The following LIN52 variants were observed in gnomAD, a reference collection of about 807,000 sequenced individuals.
The protein encoded by LIN52 is protein lin-52 homolog.
LIN52 carries 4 observed loss-of-function variants against 18.5 expected under a neutral mutation model. That is an observed-to-expected ratio of 0.22 (90% CI 0.11 to 0.49). The LOEUF is 0.49. Among genes scored for constraint, LIN52 ranks in the 20% least tolerant of loss-of-function variants. The probability of loss-of-function intolerance (pLI) is 0.97; values close to 1 mark genes in which losing one functional copy is unlikely to be tolerated. For synonymous variants in LIN52, 34 were observed against 45.5 expected, an observed-to-expected ratio of 0.75 and a Z score of 1.02; for missense variants, 102 against 139.5, an observed-to-expected ratio of 0.73 and a Z score of 1.35.
At chr14:74,172,292 T>C (rs573066827) in intron 5 of LIN52, among the ~76,000 whole-genome samples, 39 of 152,266 alleles carry the variant, frequency 2.6e-4, no homozygotes, top group African/African-American at 9.1e-4. Flanking sequence ...ACACAGGACC[T>C]GGAGATAAGG....
intron 5 of LIN52, among the ~76,000 whole-genome samples, chr14:74,142,398 T>G (rs2061135267): frequency 6.6e-6 from 1 of 152,186 alleles, no homozygotes; most frequent in Non-Finnish European, 1.5e-5. Flanking sequence ...TGGAGGCTAT[T>G]ATTAATAACA....
intron 5 of LIN52, among the ~76,000 whole-genome samples, chr14:74,138,642 A>G (rs770879685): frequency 5.3e-5 from 8 of 151,992 alleles, no homozygotes; most frequent in Non-Finnish European, 1.2e-4. Flanking sequence ...AGTCTCTGCT[A>G]CTTGGGAGGC....
intron 4 of LIN52, among the ~76,000 whole-genome samples, chr14:74,099,697 T>C (rs2060840557): frequency 6.6e-6 from 1 of 151,578 alleles, no homozygotes. Flanking sequence ...ATTTGGTGGG[T>C]TGGGGGGACA....
Position 74,175,034 on chromosome 14 carries a change from A to ATAATAATAATAATAATAG in LIN52, c.284-23878_284-23877insAATAATAGTAATAATAAT, listed in dbSNP as rs1422992766. On this transcript the variant is annotated intron_variant, in intron 5 of 5. Coordinates refer to ENST00000555028, the MANE Select transcript of LIN52 (RefSeq NM_001024674.3). ...TGACTCAAAGAAAATAATAATAATA[A>ATAATAATAATAATAATAG]TAATAATAATGTACACCTGTATAGG... is the stretch of plus-strand genomic sequence containing the variant. 6.7e-5 allele frequency among the ~76,000 whole-genome samples: 10 copies of ATAATAATAATAATAATAG among 149,270 alleles called. No homozygotes were observed. The East Asian group carries it at 1.9e-3, about 29-fold the overall frequency.
Position 74,199,086 on chromosome 14 carries a change from C to T in LIN52, c.*109C>T. The T allele has an allele frequency of 2.6e-6, 2 of 756,024 alleles. No individual in the cohort carries two copies. Among genetic ancestry groups the T allele is most frequent in the Non-Finnish European group, 4.6e-6 (2 of 435,936 alleles). The allele number at this position is 756,024 out of a possible 1,614,324, so 46.8% of individuals were successfully genotyped here. A position where few individuals can be genotyped will look rare whatever the true frequency, so the allele number is the denominator to read the frequency against. On this transcript the variant is annotated 3_prime_UTR_variant, in exon 6 of 6. Coordinates refer to ENST00000555028, the MANE Select transcript of LIN52 (RefSeq NM_001024674.3). ...TGCTTGGGAGAGGCCAGAGGGTGTA[C>T]CTCCAGGACTGCCCTCTCCCCTGCT...
intron 5 of LIN52, among the ~76,000 whole-genome samples, chr14:74,105,551 G>A (rs2060891829): frequency 1.3e-5 from 2 of 150,858 alleles, no homozygotes; most frequent in South Asian, 4.2e-4. Context: ...GTTTTATTGT[G>A]TGTAGTGTAT....
intron 5 of LIN52, among the ~76,000 whole-genome samples, chr14:74,181,047 A>G (rs987922688): frequency 3.3e-5 from 5 of 150,530 alleles, no homozygotes; most frequent in Non-Finnish European, 5.9e-5. Context: ...GGTAGAAGCT[A>G]CAGTGAGCTG....
chr14:74,139,739 T>A (rs7155886), intron 5 of LIN52, among the ~76,000 whole-genome samples: 4,446 of 152,310 alleles, frequency 0.029, 218 homozygotes, highest in African/African-American at 0.1. Context: ...AAACAGATTC[T>A]AAGATATAAG....
intron 5 of LIN52, among the ~76,000 whole-genome samples, chr14:74,141,364 A>G (rs1403523934): frequency 6.6e-6 from 1 of 152,218 alleles, no homozygotes; most frequent in African/African-American, 2.4e-5. Context: ...CATGTCTTGG[A>G]TATCTTTCCA....
rs776969152 is a variant in LIN52, at chr14:74,137,498, C to CTCTTTTTTTTT, written c.283+36261_283+36262insCTTTTTTTTTT. ...GCACTAAATTCTTCACAGCAGCTCT[C>CTCTTTTTTTTT]TTTTTTTTTTTTTTTTTTGAGATGG... On this transcript the variant is annotated intron_variant, in intron 5 of 5. Transcript: ENST00000555028. Among the ~76,000 whole-genome samples the CTCTTTTTTTTT allele has an allele frequency of 1.3e-4, 15 of 111,624 alleles. 1 individual carries two copies. The highest frequency in any genetic ancestry group is 4.5e-4 in the African/African-American group (12 of 26,840). 73.2% of individuals were successfully genotyped at this position (111,624 alleles called of 152,430 possible).
intron 5 of LIN52, among the ~76,000 whole-genome samples, chr14:74,102,987 T>C (rs2060869200): frequency 6.6e-6 from 1 of 152,250 alleles, no homozygotes; most frequent in South Asian, 2.1e-4. Context: ...CTGTAGCTAC[T>C]TTAAAGCAAA....
rs1469624909 is a variant in LIN52, at chr14:74,139,832, A to G, written c.283+38594A>G. Among the ~76,000 whole-genome samples, 3 of 152,202 alleles carry G rather than the reference A, an allele frequency of 2.0e-5. No individual in the cohort carries two copies. The East Asian group carries it at 5.8e-4, about 29-fold the overall frequency. ...TTTATTTTTATATTCACTGTGTTTC[A>G]CATAGGCTTGATTATAATAGGCTAT... is the stretch of plus-strand genomic sequence containing the variant. On this transcript the variant is annotated intron_variant, in intron 5 of 5. Coordinates refer to ENST00000555028, the MANE Select transcript of LIN52 (RefSeq NM_001024674.3).
intron 2 of LIN52, among the ~76,000 whole-genome samples, chr14:74,091,948 C>T (rs1449035614): frequency 6.6e-6 from 1 of 151,996 alleles, no homozygotes; most frequent in Non-Finnish European, 1.5e-5. Flanking sequence ...CACAGTGTGA[C>T]TCAGAAAATA....
chr14:74,092,226 C>T (rs2060777201), intron 2 of LIN52, among the ~76,000 whole-genome samples: 2 of 150,838 alleles, frequency 1.3e-5, no homozygotes, highest in African/African-American at 4.9e-5. Flanking sequence ...CCTGCCTCAG[C>T]GTCCCAAAGT....
Position 74,199,207 on chromosome 14 carries a change from A to G in LIN52, c.*230A>G. ...GTTACTCAATCAACTTTCAGACTTG[A>G]ACCTTCTTAGCCTCGGATATTGGTA... is the stretch of plus-strand genomic sequence containing the variant. On this transcript the variant is annotated 3_prime_UTR_variant, in exon 6 of 6. Transcript: ENST00000555028. The G allele has an allele frequency of 2.4e-6, 1 of 424,400 alleles. No homozygotes were observed. The highest frequency in any genetic ancestry group is 3.6e-5 in the East Asian group (1 of 27,790). The allele number at this position is 424,400 out of a possible 1,614,324, so 26.3% of individuals were successfully genotyped here.
At chr14:74,177,088 T>A (rs1392139917) in intron 5 of LIN52, among the ~76,000 whole-genome samples, 5 of 151,616 alleles carry the variant, frequency 3.3e-5, no homozygotes, top group African/African-American at 1.2e-4. Flanking sequence ...AACCTCCACC[T>A]CCTGGGTTCA....
At chr14:74,122,486 A>G (rs2061005833) in intron 5 of LIN52, among the ~76,000 whole-genome samples, 2 of 152,196 alleles carry the variant, frequency 1.3e-5, no homozygotes, top group South Asian at 4.2e-4. Flanking sequence ...TTTATTTAAA[A>G]TATGTTAGGA....
chr14:74,128,925 G>A (rs751967321), intron 5 of LIN52, among the ~76,000 whole-genome samples: 4 of 152,162 alleles, frequency 2.6e-5, no homozygotes, highest in Non-Finnish European at 5.9e-5. Flanking sequence ...CTGGGCAACA[G>A]AGCAAGACTC....
intron 5 of LIN52, among the ~76,000 whole-genome samples, chr14:74,132,114 C>G (rs1032512209): frequency 6.6e-6 from 1 of 152,188 alleles, no homozygotes; most frequent in Non-Finnish European, 1.5e-5. Flanking sequence ...ATTCTCACTA[C>G]TATTCTTTAT....
Sources: gnomAD v4.1 joint callset for allele counts (sites outside exome capture counted in the v4.1 genomes callset) on GRCh38, gnomAD v4.1.1 for gene constraint, MANE v1.5 for transcripts, NCBI Gene and HGNC (gene_info 2026-07-23, HGNC 2026-07-21) for gene names.